Variants in TPD52 observed in about 807,000 individuals in gnomAD.
TPD52 encodes the protein tumor protein D52.
In TPD52, 17 loss-of-function variants were observed where a neutral mutation model predicts 31.3. That is an observed-to-expected ratio of 0.54 (90% confidence interval 0.37 to 0.82). The LOEUF is 0.82. Ranked by LOEUF, TPD52 falls within the 40% of genes least tolerant of loss-of-function variation. The pLI is 0.00. For synonymous variants in TPD52, 83 were observed against 89.6 expected, an observed-to-expected ratio of 0.93 and a Z score of 0.42; for missense variants, 212 against 240.1, an observed-to-expected ratio of 0.88 and a Z score of 0.77.
intron 1 of TPD52, among the ~76,000 whole-genome samples, chr8:80,084,281 G>A (rs771644162): frequency 6.6e-6 from 1 of 152,138 alleles, no homozygotes; most frequent in African/African-American, 2.4e-5. Context: ...CCCAGGCATG[G>A]GCCTGTGCTT....
intron 1 of TPD52, among the ~76,000 whole-genome samples, chr8:80,085,815 T>C (rs1482240344): frequency 6.6e-6 from 1 of 152,206 alleles, no homozygotes; most frequent in African/African-American, 2.4e-5. Context: ...ATGTTTAAAG[T>C]GCCTCTCCAC....
Position 80,042,672 on chromosome 8 carries a change from T to C in TPD52, c.456-4A>G. 6.2e-7 allele frequency: 1 copy of C among 1,610,284 alleles called. No homozygotes were observed. Among genetic ancestry groups the C allele is most frequent in the Non-Finnish European group, 8.5e-7 (1 of 1,178,778 alleles). ...TGATTTAAAAGTTGGGGAGTTTCTA[T>C]GGAGAGAAAAGAAAAACAAATAGTA... On this transcript the variant is annotated splice_region_variant and splice_polypyrimidine_tract_variant and intron_variant, in intron 6 of 7. Coordinates refer to ENST00000518937, the MANE Select transcript of TPD52 (RefSeq NM_001025253.3).
rs1296187171 is a variant in TPD52, at chr8:80,053,264, A to G, written c.284+18T>C. On this transcript the variant is annotated intron_variant, in intron 3 of 7. Transcript: ENST00000518937. ...TCCTTTACACTCCCAAGGAAAGTGT[A>G]TGATCAAGGAAACATACGCAGATGT... The G allele has an allele frequency of 3.1e-6, 5 of 1,612,200 alleles. No individual in the cohort carries two copies. The highest frequency in any genetic ancestry group is 1.1e-5 in the South Asian group (1 of 90,838).
intron 3 of TPD52, chr8:80,052,485 C>T (rs1361296378): frequency 1.2e-5 from 5 of 424,604 alleles, no homozygotes; most frequent in African/African-American, 4.3e-5. Context: ...TGTATGTTTT[C>T]CCACTGCCAA....
chr8:80,129,762 C>T (rs539496329), intron 1 of TPD52, among the ~76,000 whole-genome samples: 10 of 148,960 alleles, frequency 6.7e-5, no homozygotes, highest in Non-Finnish European at 1.2e-4. Flanking sequence ...TGCAGTGGCG[C>T]GATCTCAGCT....
intron 1 of TPD52, among the ~76,000 whole-genome samples, chr8:80,068,062 G>GTTTT (rs78238992): frequency 6.7e-6 from 1 of 149,760 alleles, no homozygotes. Context: ...TTTTAATGTT[G>GTTTT]TTTTTTTTTT....
chr8:80,051,211 T>C, intron 4 of TPD52: 1 of 387,982 alleles, frequency 2.6e-6, no homozygotes, highest in Non-Finnish European at 4.7e-6. Context: ...CACACCAGGC[T>C]CTGCCCACAA....
At chr8:80,058,082 T>C (rs1812097434) in intron 2 of TPD52, among the ~76,000 whole-genome samples, 1 of 152,204 alleles carries the variant, frequency 6.6e-6, no homozygotes, top group Non-Finnish European at 1.5e-5. Context: ...ATTACTATTA[T>C]TTTTATTTTG....
chr8:80,053,407 C>T lies in TPD52; in HGVS notation c.159G>A (p.Leu53=). The T allele has an allele frequency of 6.2e-7, 1 of 1,613,434 alleles. No individual in the cohort carries two copies. Among genetic ancestry groups the T allele is most frequent in the East Asian group, 2.2e-5 (1 of 44,866 alleles). ...TCTCTTTTGCTGCTAACACTTGAGACAGAGTCTGGATTTCTTCTTCTACCT... is the reference window on the plus strand; with the variant it reads ...TCTCTTTTGCTGCTAACACTTGAGATAGAGTCTGGATTTCTTCTTCTACCT... ...LAKVEEEIQT[L]SQVLAAKEKH... is the part of the protein sequence containing the mutation. The change falls in exon 3 of 8, where the codon CTG becomes CTA. Residue 53 remains leucine (L), a synonymous_variant. Coordinates refer to ENST00000518937, the MANE Select transcript of TPD52 (RefSeq NM_001025253.3).
chr8:80,162,953 C>CAAA (rs201782935), intron 1 of TPD52, among the ~76,000 whole-genome samples: 4 of 127,440 alleles, frequency 3.1e-5, no homozygotes, highest in African/African-American at 1.1e-4. Flanking sequence ...AACAAACAAA[C>CAAA]AAACAAAAAA....
intron 7 of TPD52, among the ~76,000 whole-genome samples, chr8:80,041,811 C>T (rs1810409299): frequency 6.6e-6 from 1 of 151,972 alleles, no homozygotes; most frequent in Admixed American, 6.5e-5. Flanking sequence ...TAATACAGGC[C>T]AGGCATGGTG....
intron 1 of TPD52, among the ~76,000 whole-genome samples, chr8:80,112,503 A>C (rs1313284319): frequency 6.6e-6 from 1 of 152,188 alleles, no homozygotes; most frequent in Non-Finnish European, 1.5e-5. Flanking sequence ...TTCTGGTATG[A>C]GTAGTCCATA....
intron 1 of TPD52, among the ~76,000 whole-genome samples, chr8:80,131,763 C>T (rs552481534): frequency 4.4e-4 from 67 of 152,306 alleles, no homozygotes; most frequent in Non-Finnish European, 8.4e-4. Context: ...CACCCCTTTA[C>T]AGGTGCTCCA....
At chr8:80,049,321 C>T (rs932819401) in intron 5 of TPD52, among the ~76,000 whole-genome samples, 12 of 152,174 alleles carry the variant, frequency 7.9e-5, no homozygotes, top group Admixed American at 7.9e-4. Context: ...TAAATGTTAG[C>T]AGAATGGGTG....
intron 2 of TPD52, among the ~76,000 whole-genome samples, chr8:80,061,435 C>T (rs1812539589): frequency 7.5e-6 from 1 of 133,762 alleles, no homozygotes. Flanking sequence ...GTTGTGGTGG[C>T]TTATGCCTGT....
At chr8:80,074,224 A>G (rs1814256367) in intron 1 of TPD52, among the ~76,000 whole-genome samples, 1 of 152,216 alleles carries the variant, frequency 6.6e-6, no homozygotes. Context: ...TTAAGCACAA[A>G]CAAGAGGAAA....
intron 2 of TPD52, among the ~76,000 whole-genome samples, chr8:80,062,142 G>A (rs150516605): frequency 2.6e-5 from 4 of 152,266 alleles, no homozygotes; most frequent in Admixed American, 6.5e-5. Flanking sequence ...GGTAAAGAAC[G>A]CATATTTCTG....
intron 1 of TPD52, among the ~76,000 whole-genome samples, chr8:80,155,373 C>A (rs1309622027): frequency 6.6e-6 from 1 of 152,100 alleles, no homozygotes. Flanking sequence ...GAAGAAGATT[C>A]AGCAAGTGCA....
intron 1 of TPD52, 120 bp from the exon 2 acceptor site, chr8:80,064,713 T>C (rs2130690938): frequency 1.3e-6 from 1 of 753,484 alleles, no homozygotes; most frequent in East Asian, 2.6e-5. Context: ...ATCTCATCTC[T>C]GGATATTCAA....
Sources: allele counts gnomAD v4.1 joint callset (sites outside exome capture counted in the v4.1 genomes callset), GRCh38; gene constraint gnomAD v4.1.1; transcripts MANE v1.5; gene names NCBI Gene and HGNC (gene_info 2026-07-23, HGNC 2026-07-21).